CNGB3: variants seen among roughly 807,000 people sequenced by gnomAD.
CNGB3 encodes cyclic nucleotide-gated channel beta-3.
In CNGB3, 86 loss-of-function variants were observed where a neutral mutation model predicts 92.8. The ratio of observed to expected loss-of-function variants is 0.93; its 90% CI spans 0.78 to 1.11. The LOEUF (loss-of-function observed/expected upper bound fraction) is 1.11, where lower values mean the gene tolerates loss of function less well. CNGB3 is among the 50% of genes least tolerant of loss of function. The probability of loss-of-function intolerance (pLI) is 0.00; values close to 1 mark genes in which losing one functional copy is unlikely to be tolerated. For synonymous variants in CNGB3, 333 were observed against 332.7 expected (o/e 1.00, Z -0.01); for missense variants, 1,026 against 956.8 (o/e 1.07, Z -0.95).
chr8:86,595,307 C>A (rs962960507), intron 15 of CNGB3, among the ~76,000 whole-genome samples: 2 of 152,306 alleles, frequency 1.3e-5, no homozygotes, highest in Non-Finnish European at 2.9e-5. Context: ...GTATGACTCT[C>A]AGAATCTTTA....
intron 3 of CNGB3, among the ~76,000 whole-genome samples, chr8:86,703,300 TA>T (rs1261173121): frequency 1.3e-5 from 2 of 152,096 alleles, no homozygotes; most frequent in Non-Finnish European, 2.9e-5. Flanking sequence ...CAGGCAAGGT[TA>T]AAATGAAAAA....
At chr8:86,672,403 A>T (rs1479775342) in intron 3 of CNGB3, among the ~76,000 whole-genome samples, 1 of 152,132 alleles carries the variant, frequency 6.6e-6, no homozygotes, top group African/African-American at 2.4e-5. Flanking sequence ...CCAGCCAATG[A>T]ACTTCCTTTC....
intron 2 of CNGB3, among the ~76,000 whole-genome samples, chr8:86,728,935 T>G (rs1487058655): frequency 1.3e-5 from 2 of 152,112 alleles, no homozygotes; most frequent in Non-Finnish European, 2.9e-5. Flanking sequence ...TTTTGAGACA[T>G]GGTCTCACTC....
intron 15 of CNGB3, chr8:86,594,081 AG>A (rs947060688): frequency 2.6e-4 from 83 of 322,848 alleles, no homozygotes; most frequent in African/African-American, 1.7e-3. Flanking sequence ...TGCTGTATCC[AG>A]GATCCTGGAG....
In CNGB3 at chr8:86,583,587, A is replaced by G. The variant is rs112700409; in HGVS notation, c.1782-4335T>C. Among the ~76,000 whole-genome samples, 1,159 of 152,270 alleles carry G rather than the reference A, an allele frequency of 7.6e-3. 13 individuals are homozygous for G. Among genetic ancestry groups the G allele is most frequent in the African/African-American group, 0.025 (1,056 of 41,552 alleles). On this transcript the variant is annotated intron_variant, in intron 15 of 17. Coordinates refer to ENST00000320005, the MANE Select transcript of CNGB3 (RefSeq NM_019098.5). ...CAAACTTGGCCACTTACCTGCACCT[A>G]GCATTAATGACAGGGTCCAGGACTC... is the stretch of plus-strand genomic sequence containing the variant.
At chr8:86,732,853 G>A (rs549116627) in intron 2 of CNGB3, among the ~76,000 whole-genome samples, 1 of 152,108 alleles carries the variant, frequency 6.6e-6, no homozygotes, top group Admixed American at 6.5e-5. Context: ...TTTCTATTTG[G>A]ATGAAGGAAA....
intron 2 of CNGB3, among the ~76,000 whole-genome samples, chr8:86,728,039 G>T (rs1432973541): frequency 6.6e-6 from 1 of 152,078 alleles, no homozygotes; most frequent in Non-Finnish European, 1.5e-5. Flanking sequence ...GACTAAGAAA[G>T]CCTAAATTCT....
In CNGB3 at chr8:86,643,752, C is replaced by T. The variant is rs538823901; in HGVS notation, c.1177G>A (p.Glu393Lys). 5.0e-6 allele frequency: 8 copies of T among 1,604,850 alleles called. No individual in the cohort carries two copies. Among genetic ancestry groups the T allele is most frequent in the East Asian group, 2.2e-5 (1 of 44,692 alleles). ...TRWVYDGEGN[E>K]YLRCYYWAVR... ...GTTTCTTTCAAAATCAGAACTTACT[C>T]GTTTCCTTCCCCATCATACACCCAT... is the stretch of plus-strand genomic sequence containing the variant. The change falls in exon 10 of 18, where the codon GAG (glutamate) becomes AAG (lysine). Residue 393 changes from glutamate to lysine, a missense_variant and splice_region_variant. Transcript: ENST00000320005.
At chr8:86,735,625 G>A (rs1187742145) in intron 2 of CNGB3, among the ~76,000 whole-genome samples, 1 of 152,056 alleles carries the variant, frequency 6.6e-6, no homozygotes, top group Non-Finnish European at 1.5e-5. Flanking sequence ...TCCACCTCCA[G>A]AGAGCATCAA....
At chr8:86,691,258 T>C (rs1430949023) in intron 3 of CNGB3, among the ~76,000 whole-genome samples, 1 of 152,180 alleles carries the variant, frequency 6.6e-6, no homozygotes, top group Admixed American at 6.5e-5. Context: ...ATTTATAAGA[T>C]CTAGGAGCTT....
chr8:86,633,604 C>A (rs1449007500), intron 10 of CNGB3, among the ~76,000 whole-genome samples: 1 of 152,134 alleles, frequency 6.6e-6, no homozygotes, highest in African/African-American at 2.4e-5. Context: ...TTATAGTTGT[C>A]ACATTGTATT....
At chr8:86,616,315 T>G (rs1246385184) in intron 13 of CNGB3, among the ~76,000 whole-genome samples, 1 of 152,222 alleles carries the variant, frequency 6.6e-6, no homozygotes, top group Non-Finnish European at 1.5e-5. Context: ...TAATGATTAC[T>G]TTATGAAAAG....
At chr8:86,649,158 A>G (rs549042147) in intron 7 of CNGB3, among the ~76,000 whole-genome samples, 1 of 151,682 alleles carries the variant, frequency 6.6e-6, no homozygotes, top group African/African-American at 2.4e-5. Context: ...CACTGCTGAG[A>G]GAAATCACAG....
At chr8:86,656,836 T>C (rs1479677185) in intron 6 of CNGB3, among the ~76,000 whole-genome samples, 1 of 152,152 alleles carries the variant, frequency 6.6e-6, no homozygotes, top group Non-Finnish European at 1.5e-5. Context: ...CTCTGTCCCG[T>C]ACTATCAATA....
At chr8:86,702,795 A>G (rs1824578662) in intron 3 of CNGB3, among the ~76,000 whole-genome samples, 1 of 151,850 alleles carries the variant, frequency 6.6e-6, no homozygotes. Context: ...TTTTTTAAAA[A>G]AAATCTCTGT....
intron 10 of CNGB3, among the ~76,000 whole-genome samples, chr8:86,634,413 G>T (rs1823024446): frequency 6.6e-6 from 1 of 152,036 alleles, no homozygotes; most frequent in African/African-American, 2.4e-5. Context: ...TGCATTTTTG[G>T]CTTGCAATAT....
At chr8:86,653,966 A>G (rs1313911034) in intron 7 of CNGB3, 46 bp downstream of exon 7, 2 of 1,264,418 alleles carry the variant, frequency 1.6e-6, no homozygotes, top group African/African-American at 1.5e-5. Flanking sequence ...TAAAGTCAAA[A>G]TGGTAATAGA....
chr8:86,676,697 T>G (rs943688962), intron 3 of CNGB3, among the ~76,000 whole-genome samples: 2 of 152,196 alleles, frequency 1.3e-5, no homozygotes, highest in Non-Finnish European at 2.9e-5. Context: ...CCAACATTTG[T>G]GTCCACCTGG....
chr8:86,656,216 T>C (rs1823503677), intron 6 of CNGB3, among the ~76,000 whole-genome samples: 1 of 152,046 alleles, frequency 6.6e-6, no homozygotes, highest in Non-Finnish European at 1.5e-5. Flanking sequence ...ACCACAAGAG[T>C]AAAATCAGTC....
Sources: gnomAD v4.1 joint callset for allele counts (sites outside exome capture counted in the v4.1 genomes callset) on GRCh38, gnomAD v4.1.1 for gene constraint, MANE v1.5 for transcripts, NCBI Gene and HGNC (gene_info 2026-07-23, HGNC 2026-07-21) for gene names.